Variants in LUZP2 observed in about 807,000 individuals in gnomAD.
LUZP2 encodes the protein leucine zipper protein 2.
A neutral mutation model predicts 51.6 loss-of-function variants in LUZP2; 52 were observed. That is an observed-to-expected ratio of 1.01 (90% CI 0.81 to 1.27). LUZP2 has a LOEUF of 1.27. LUZP2 is among the 50% of genes most tolerant of loss of function. The pLI is 0.00. For synonymous variants in LUZP2, 154 were observed against 137.3 expected (o/e 1.12, Z -0.85); for missense variants, 436 against 395.4 (o/e 1.10, Z -0.87).
intron 1 of LUZP2, among the ~76,000 whole-genome samples, chr11:24,558,922 G>A (rs771137939): frequency 7.9e-5 from 12 of 152,036 alleles, no homozygotes; most frequent in Non-Finnish European, 1.5e-5. Context: ...AATAAATTTT[G>A]GTTGTTTATA....
intron 9 of LUZP2, among the ~76,000 whole-genome samples, chr11:24,990,842 C>T (rs1239211229): frequency 6.6e-6 from 1 of 151,958 alleles, no homozygotes. Context: ...CACCCAACAA[C>T]CATCACTCAT....
At chr11:25,049,381 A>G (rs1242870138) in intron 9 of LUZP2, among the ~76,000 whole-genome samples, 1 of 152,196 alleles carries the variant, frequency 6.6e-6, no homozygotes, top group African/African-American at 2.4e-5. Context: ...AAACCTACCT[A>G]TAGCGGTATT....
intron 1 of LUZP2, among the ~76,000 whole-genome samples, chr11:24,680,699 C>T (rs1423252238): frequency 6.6e-6 from 1 of 152,096 alleles, no homozygotes; most frequent in Non-Finnish European, 1.5e-5. Context: ...TAATGACTGG[C>T]CAGAAAATTC....
chr11:24,512,217 C>T (rs1390953376), intron 1 of LUZP2, among the ~76,000 whole-genome samples: 3 of 151,876 alleles, frequency 2.0e-5, no homozygotes, highest in Non-Finnish European at 4.4e-5. Flanking sequence ...TGGTGGTTGT[C>T]ACAGGCTGAA....
intron 1 of LUZP2, among the ~76,000 whole-genome samples, chr11:24,716,758 T>C (rs1015056108): frequency 2.6e-5 from 4 of 152,084 alleles, no homozygotes; most frequent in African/African-American, 9.7e-5. Context: ...GTTCTGGGCA[T>C]GATGGCAGGC....
intron 10 of LUZP2, among the ~76,000 whole-genome samples, chr11:25,058,890 A>G (rs1031113688): frequency 6.6e-6 from 1 of 152,222 alleles, no homozygotes; most frequent in African/African-American, 2.4e-5. Flanking sequence ...TTGTTCTGTA[A>G]TAAATGTGAA....
At chr11:25,027,886 G>GAAA (rs1174189551) in intron 9 of LUZP2, among the ~76,000 whole-genome samples, 57,028 of 132,934 alleles carry the variant, frequency 0.43, 12,349 homozygotes, top group Non-Finnish European at 0.5. Context: ...AAAAAAAAAG[G>GAAA]TGTTTAGATT....
intron 5 of LUZP2, among the ~76,000 whole-genome samples, chr11:24,902,057 A>G (rs1473233935): frequency 1.3e-5 from 2 of 152,164 alleles, no homozygotes; most frequent in African/African-American, 4.8e-5. Context: ...TAATGAGAAA[A>G]GTTATTTAGT....
intron 7 of LUZP2, among the ~76,000 whole-genome samples, chr11:24,945,222 CA>C (rs1166247601): frequency 6.6e-6 from 1 of 151,954 alleles, no homozygotes; most frequent in Non-Finnish European, 1.5e-5. Flanking sequence ...TTCATAATGG[CA>C]AAACCTGAAA....
intron 1 of LUZP2, among the ~76,000 whole-genome samples, chr11:24,536,994 A>T (rs1851197547): frequency 6.6e-6 from 1 of 151,882 alleles, no homozygotes; most frequent in African/African-American, 2.4e-5. Flanking sequence ...GGGGAGAAAG[A>T]CAAGGGAACA....
intron 1 of LUZP2, among the ~76,000 whole-genome samples, chr11:24,598,115 A>AAG (rs1281651613): frequency 1.4e-3 from 208 of 151,812 alleles, no homozygotes; most frequent in African/African-American, 4.8e-3. Context: ...AAAAAAAAAA[A>AAG]AGAGAGAGAC....
chr11:24,555,525 C>T (rs1240791615), intron 1 of LUZP2, among the ~76,000 whole-genome samples: 1 of 152,138 alleles, frequency 6.6e-6, no homozygotes, highest in Non-Finnish European at 1.5e-5. Flanking sequence ...TGGACTCAAC[C>T]TCTCTCTGGT....
intron 5 of LUZP2, among the ~76,000 whole-genome samples, chr11:24,853,846 C>T (rs59712118): frequency 0.023 from 3,445 of 152,140 alleles, 140 homozygotes; most frequent in African/African-American, 0.078. Flanking sequence ...CTATTCCTTT[C>T]TGTTTGTTAG....
At chr11:25,009,766 A>G (rs991281407) in intron 9 of LUZP2, among the ~76,000 whole-genome samples, 8 of 152,326 alleles carry the variant, frequency 5.3e-5, no homozygotes, top group African/African-American at 1.7e-4. Flanking sequence ...TGAAAAGAAA[A>G]TGAATGTTTT....
intron 9 of LUZP2, among the ~76,000 whole-genome samples, chr11:25,038,818 C>G (rs1220039998): frequency 6.6e-6 from 1 of 152,154 alleles, no homozygotes; most frequent in Admixed American, 6.5e-5. Flanking sequence ...AGTCAGTTGG[C>G]TTTATTTCTG....
At chr11:24,723,033 CA>C (rs1858336605) in intron 1 of LUZP2, among the ~76,000 whole-genome samples, 1 of 151,872 alleles carries the variant, frequency 6.6e-6, no homozygotes, top group Non-Finnish European at 1.5e-5. Context: ...TCCCACAAAT[CA>C]ATAACAAGCA....
chr11:24,878,720 C>T (rs977999714), intron 5 of LUZP2, among the ~76,000 whole-genome samples: 1 of 151,764 alleles, frequency 6.6e-6, no homozygotes, highest in Non-Finnish European at 1.5e-5. Flanking sequence ...TATACCTGTG[C>T]CATGGCGCTT....
chr11:25,062,110 G>A (rs1858856870), intron 10 of LUZP2, among the ~76,000 whole-genome samples: 1 of 150,338 alleles, frequency 6.7e-6, no homozygotes, highest in African/African-American at 2.4e-5. Flanking sequence ...CAGAGGGAAG[G>A]GAGAAGAAGA....
intron 1 of LUZP2, among the ~76,000 whole-genome samples, chr11:24,517,900 A>C (rs1336247479): frequency 6.6e-6 from 1 of 152,144 alleles, no homozygotes; most frequent in African/African-American, 2.4e-5. Flanking sequence ...AATCACTGAG[A>C]AAACAATTTT....
Sources: gnomAD v4.1 joint callset for allele counts (sites outside exome capture counted in the v4.1 genomes callset) on GRCh38, gnomAD v4.1.1 for gene constraint, MANE v1.5 for transcripts, NCBI Gene and HGNC (gene_info 2026-07-23, HGNC 2026-07-21) for gene names.